The following CD109 variants were observed in gnomAD, a reference collection of about 807,000 sequenced individuals.
The protein encoded by CD109 is CD109 antigen.
In CD109, 149 loss-of-function variants were observed where a neutral mutation model predicts 165.8. That is an observed-to-expected ratio of 0.90 (90% confidence interval 0.79 to 1.03). The LOEUF (loss-of-function observed/expected upper bound fraction) is 1.03, where lower values mean the gene tolerates loss of function less well. Among genes scored for constraint, CD109 ranks in the 50% least tolerant of loss-of-function variants. The pLI, the probability that CD109 is intolerant of heterozygous loss-of-function variation, is 0.00. For missense variants in CD109, 1,712 were observed against 1,677.8 expected (o/e 1.02, Z -0.36); for synonymous variants, 585 against 592.1 (o/e 0.99, Z 0.18).
chr6:73,811,830 CAT>C (rs1775768862), intron 28 of CD109, among the ~76,000 whole-genome samples: 1 of 152,118 alleles, frequency 6.6e-6, no homozygotes, highest in South Asian at 2.1e-4. Flanking sequence ...TAGGCACAGT[CAT>C]AGACAATGTG....
At chr6:73,786,801 T>C (rs1034125705) in intron 20 of CD109, among the ~76,000 whole-genome samples, 1 of 152,240 alleles carries the variant, frequency 6.6e-6, no homozygotes, top group Non-Finnish European at 1.5e-5. Context: ...GGAATAATTT[T>C]TTACAGAGAC....
chr6:73,781,205 T>C (rs1420969228), intron 16 of CD109, 54 bp from the exon 17 acceptor site: 1 of 1,453,064 alleles, frequency 6.9e-7, no homozygotes, highest in Admixed American at 1.7e-5. Flanking sequence ...CCTTGATAAT[T>C]TAGTGAGCAT....
intron 2 of CD109, among the ~76,000 whole-genome samples, chr6:73,700,994 G>A (rs12055706): frequency 0.14 from 20,848 of 151,066 alleles, 1,934 homozygotes; most frequent in East Asian, 0.32. Context: ...GTAGAGACGA[G>A]GTTTCACTGT....
chr6:73,764,472 T>G (rs1197388739), intron 10 of CD109, among the ~76,000 whole-genome samples: 1 of 152,202 alleles, frequency 6.6e-6, no homozygotes, highest in East Asian at 1.9e-4. Flanking sequence ...ACAAACATAC[T>G]GGATTGGCCT....
rs188556733 is a variant in CD109 at position 73,811,243 on chromosome 6, T to A, written c.3702+96T>A. The A allele has an allele frequency of 7.3e-6, 10 of 1,373,836 alleles. No homozygotes were observed. In the African/African-American group the frequency reaches 1.2e-4, roughly 16 times the overall value. 85.1% of individuals were successfully genotyped at this position (1,373,836 alleles called of 1,614,324 possible). A position where few individuals can be genotyped will look rare whatever the true frequency, so the allele number is the denominator to read the frequency against. ...TAATCTGTTGATTTCAACAAAGACT[T>A]GTTTCCAGAGCTCTGTAGAGTAATA... On this transcript the variant is annotated intron_variant, in intron 28 of 32. Coordinates refer to ENST00000287097, the MANE Select transcript of CD109 (RefSeq NM_133493.5).
chr6:73,766,339 T>C (rs1367418606), intron 11 of CD109, among the ~76,000 whole-genome samples, 185 bp downstream of exon 11: 1 of 152,186 alleles, frequency 6.6e-6, no homozygotes, highest in Non-Finnish European at 1.5e-5. Context: ...ACTAAATTTT[T>C]CCTTGTAAGT....
chr6:73,681,948 A>G, the CD109 span, among the ~76,000 whole-genome samples: 10 of 152,110 alleles, frequency 6.6e-5, no homozygotes, highest in Admixed American at 6.5e-4. Flanking sequence ...AGACTTATTC[A>G]CTATCATGAG....
rs1186704517 is a variant in CD109 at position 73,723,290 on chromosome 6, A to G, written c.276+11A>G. 3 of 1,605,600 alleles carry G rather than the reference A, an allele frequency of 1.9e-6. No homozygotes were observed. Among genetic ancestry groups the G allele is most frequent in the Admixed American group, 3.4e-5 (2 of 59,318 alleles). ...CTTACTCTTCCATCAGTAAGTATCC[A>G]TTTAAAAAATTTGGTTTCAGAAATA... On this transcript the variant is annotated intron_variant, in intron 3 of 32. Coordinates refer to ENST00000287097, the MANE Select transcript of CD109 (RefSeq NM_133493.5).
chr6:73,688,491 A>G, the CD109 span, among the ~76,000 whole-genome samples: 2 of 152,052 alleles, frequency 1.3e-5, no homozygotes, highest in Non-Finnish European at 2.9e-5. Context: ...TAATTTCCTA[A>G]GTGTTAGCAT....
At chr6:73,740,500 C>T (rs1490348787) in intron 5 of CD109, among the ~76,000 whole-genome samples, 1 of 151,766 alleles carries the variant, frequency 6.6e-6, no homozygotes, top group Non-Finnish European at 1.5e-5. Flanking sequence ...AATTGTTTGC[C>T]CTTCAAGTAT....
chr6:73,785,988 G>C (rs756480730), intron 20 of CD109, among the ~76,000 whole-genome samples: 1 of 151,902 alleles, frequency 6.6e-6, no homozygotes, highest in Non-Finnish European at 1.5e-5. Context: ...GGATTACAAG[G>C]GTGCACCACC....
chr6:73,684,539 A>G, the CD109 span, among the ~76,000 whole-genome samples: 1 of 151,568 alleles, frequency 6.6e-6, no homozygotes, highest in Non-Finnish European at 1.5e-5. Flanking sequence ...TCTTTTTTTG[A>G]TGATATCCAT....
At chr6:73,779,465 G>T (rs1003988043) in intron 15 of CD109, among the ~76,000 whole-genome samples, 4 of 151,968 alleles carry the variant, frequency 2.6e-5, no homozygotes, top group Admixed American at 6.6e-5. Flanking sequence ...GGCCAGGCTG[G>T]TCTCAAACTC....
chr6:73,791,136 C>CATATATAT (rs61429872), intron 22 of CD109, among the ~76,000 whole-genome samples: 42 of 56,302 alleles, frequency 7.5e-4, no homozygotes, highest in South Asian at 8.9e-4. Context: ...TACATACATA[C>CATATATAT]ATATATATAT....
intron 2 of CD109, among the ~76,000 whole-genome samples, chr6:73,717,972 A>G (rs1336964735): frequency 6.6e-6 from 1 of 151,386 alleles, no homozygotes; most frequent in Non-Finnish European, 1.5e-5. Context: ...TGAGTTTATC[A>G]GTTCTAATCG....
chr6:73,735,098 T>G (rs1178742220), intron 4 of CD109, among the ~76,000 whole-genome samples: 1 of 152,100 alleles, frequency 6.6e-6, no homozygotes, highest in Non-Finnish European at 1.5e-5. Context: ...CATGGGCTTT[T>G]TGGGAATAAA....
intron 22 of CD109, 58 bp from the exon 23 acceptor site, chr6:73,792,568 C>G (rs1582168290): frequency 6.7e-6 from 10 of 1,485,280 alleles, no homozygotes; most frequent in African/African-American, 4.2e-5. Flanking sequence ...CTCTTTGCCA[C>G]CAGCAGGTCG....
At chr6:73,707,436 G>T in intron 2 of CD109, among the ~76,000 whole-genome samples, 1 of 151,950 alleles carries the variant, frequency 6.6e-6, no homozygotes, top group Non-Finnish European at 1.5e-5. Flanking sequence ...AAGGAGGGAA[G>T]GGATATGAGG....
At chr6:73,800,636 A>G (rs1371354565) in intron 23 of CD109, among the ~76,000 whole-genome samples, 1 of 152,184 alleles carries the variant, frequency 6.6e-6, no homozygotes, top group Non-Finnish European at 1.5e-5. Flanking sequence ...GAGAAATGGT[A>G]TCTCAGTGTA....
Sources: allele counts gnomAD v4.1 joint callset (sites outside exome capture counted in the v4.1 genomes callset), GRCh38; gene constraint gnomAD v4.1.1; transcripts MANE v1.5; gene names NCBI Gene and HGNC (gene_info 2026-07-23, HGNC 2026-07-21).